The following HIVEP2 variants were observed in gnomAD, a reference collection of about 807,000 sequenced individuals.
HIVEP2 encodes transcription factor HIVEP2.
HIVEP2 carries 14 observed loss-of-function variants against 180.7 expected under a neutral mutation model. The ratio of observed to expected loss-of-function variants is 0.08; its 90% confidence interval spans 0.05 to 0.12. The LOEUF is 0.12. HIVEP2 is among the 10% of genes least tolerant of loss of function. The pLI, the probability that HIVEP2 is intolerant of heterozygous loss-of-function variation, is 1.00. For synonymous variants in HIVEP2, 1,184 were observed against 1,136.4 expected (o/e 1.04, Z -0.84); for missense variants, 2,579 against 3,008.5 (o/e 0.86, Z 3.34).
At chr6:142,857,360 A>C (rs886747290) in intron 1 of HIVEP2, among the ~76,000 whole-genome samples, 3 of 152,218 alleles carry the variant, frequency 2.0e-5, no homozygotes, top group Non-Finnish European at 4.4e-5. Flanking sequence ...TCCCGGAAAT[A>C]ACTGCATATT....
At chr6:142,756,612 G>A (rs964259815) in intron 9 of HIVEP2, among the ~76,000 whole-genome samples, 9 of 151,846 alleles carry the variant, frequency 5.9e-5, no homozygotes, top group African/African-American at 1.5e-4. Context: ...CTGAGGGCCT[G>A]GACACACCTT....
At chr6:142,767,523 T>G (rs2114635680) in intron 6 of HIVEP2, among the ~76,000 whole-genome samples, 1 of 152,348 alleles carries the variant, frequency 6.6e-6, no homozygotes, top group East Asian at 1.9e-4. Context: ...AATAAAGTCA[T>G]GCCCATGAAG....
chr6:142,945,472 C>T (rs1219266435), upstream of HIVEP2, among the ~76,000 whole-genome samples: 2 of 152,108 alleles, frequency 1.3e-5, no homozygotes, highest in Non-Finnish European at 2.9e-5. This position sits in a 1 kb window ranked among gnomAD's most constrained non-coding sequence, Gnocchi z 5.5. Context: ...AGGAAAAACC[C>T]AGCGTCCAGG....
At chr6:142,834,135 C>CA (rs1775164204) in intron 2 of HIVEP2, among the ~76,000 whole-genome samples, 1 of 151,984 alleles carries the variant, frequency 6.6e-6, no homozygotes, top group Non-Finnish European at 1.5e-5. Context: ...AAAAGGTATC[C>CA]AAATAGAATG....
chr6:142,803,168 A>C (rs1192975759), intron 2 of HIVEP2, among the ~76,000 whole-genome samples: 3 of 152,142 alleles, frequency 2.0e-5, no homozygotes, highest in Non-Finnish European at 4.4e-5. Context: ...ATAAGTTTAA[A>C]CTTCATTTGG....
chr6:142,811,180 T>C (rs368817309), intron 2 of HIVEP2, among the ~76,000 whole-genome samples: 1 of 133,196 alleles, frequency 7.5e-6, no homozygotes, highest in Non-Finnish European at 1.7e-5. Context: ...ATGAGGCACG[T>C]GCATGTGTGT....
intron 2 of HIVEP2, among the ~76,000 whole-genome samples, chr6:142,802,716 C>G (rs1776443974): frequency 6.6e-6 from 1 of 152,030 alleles, no homozygotes; most frequent in East Asian, 1.9e-4. Context: ...AAGAATCACT[C>G]CCTAATAAGG....
chr6:142,862,925 T>C (rs1214733708), intron 1 of HIVEP2, among the ~76,000 whole-genome samples: 1 of 137,322 alleles, frequency 7.3e-6, no homozygotes, highest in Non-Finnish European at 1.5e-5. Flanking sequence ...TAAAATGTAA[T>C]ATATTGTACT....
chr6:142,800,272 A>G (rs1776372133), intron 2 of HIVEP2, among the ~76,000 whole-genome samples: 1 of 152,108 alleles, frequency 6.6e-6, no homozygotes, highest in Non-Finnish European at 1.5e-5. Context: ...TCAATTAACA[A>G]CCATGGTATC....
intron 1 of HIVEP2, among the ~76,000 whole-genome samples, chr6:142,934,170 CAACA>C (rs1232751224): frequency 1.3e-5 from 2 of 152,104 alleles, no homozygotes; most frequent in African/African-American, 4.8e-5. Flanking sequence ...AGATTTTTTT[CAACA>C]ATTGAATTAT....
chr6:142,908,032 A>G (rs1777310735), intron 1 of HIVEP2, among the ~76,000 whole-genome samples: 1 of 152,232 alleles, frequency 6.6e-6, no homozygotes, highest in Non-Finnish European at 1.5e-5. Flanking sequence ...AAGGACTTTT[A>G]GCACAACAAC....
At chr6:142,778,983 T>A (rs980323617) in intron 3 of HIVEP2, among the ~76,000 whole-genome samples, 1 of 152,190 alleles carries the variant, frequency 6.6e-6, no homozygotes, top group Non-Finnish European at 1.5e-5. Context: ...AATAAAAAAA[T>A]CCATAATTTA....
At chr6:142,794,365 T>C (rs1163826071) in intron 2 of HIVEP2, among the ~76,000 whole-genome samples, 2 of 152,220 alleles carry the variant, frequency 1.3e-5, no homozygotes, top group Non-Finnish European at 2.9e-5. Flanking sequence ...TCTATTTGTA[T>C]ATTTCAATAG....
intron 2 of HIVEP2, among the ~76,000 whole-genome samples, chr6:142,795,283 C>T (rs1371223265): frequency 6.6e-6 from 1 of 152,120 alleles, no homozygotes; most frequent in Admixed American, 6.6e-5. Flanking sequence ...AGTGACTTCT[C>T]ATTTATTGAT....
At position 142,835,048 on chromosome 6, in the gene HIVEP2, C is replaced by T. The variant is rs182797896; in HGVS notation, c.-528+1887G>A. Among the ~76,000 whole-genome samples, 161 of 152,248 alleles carry T rather than the reference C, an allele frequency of 1.1e-3. 1 individual carries two copies. Among genetic ancestry groups the T allele is most frequent in the African/African-American group, 3.7e-3 (154 of 41,548 alleles). On this transcript the variant is annotated intron_variant, in intron 2 of 9. Transcript: ENST00000367603. ...CATGTTGACAGGCTAAAGAATCAGT[C>T]ACGTGATAGATGAAATATAATTCTG...
In HIVEP2 at chr6:142,768,530, G is replaced by C. The variant is rs1217124743; in HGVS notation, c.5194C>G (p.Pro1732Ala). 4 of 1,612,862 alleles carry C rather than the reference G, an allele frequency of 2.5e-6. No homozygotes were observed. In the South Asian group the frequency reaches 4.4e-5, roughly 18 times the overall value. ...CTGCCAAATAAAAAGGACGCATCAG[G>C]TTTCATCTGTAAGACAAGAAGAGAG... ...SAWKQFTQMK[P>A]DASFLFGSKL... Residue 1732 changes from proline (P) to alanine (A), a missense_variant, in exon 6 of 10, where the codon CCT becomes GCT. By Grantham distance (27) the Pro-to-Ala change is conservative. Coordinates refer to ENST00000367603, the MANE Select transcript of HIVEP2 (RefSeq NM_006734.4).
intron 1 of HIVEP2, among the ~76,000 whole-genome samples, chr6:142,941,815 G>A (rs1778185905): frequency 2.0e-5 from 3 of 152,140 alleles, no homozygotes; most frequent in African/African-American, 7.2e-5. Flanking sequence ...ATAAATCCAT[G>A]AACTGGAAGC....
At chr6:142,910,895 T>C (rs1416950582) in intron 1 of HIVEP2, among the ~76,000 whole-genome samples, 3 of 152,080 alleles carry the variant, frequency 2.0e-5, no homozygotes, top group African/African-American at 7.2e-5. Flanking sequence ...TGAAAGACCA[T>C]CGTGCATGAT....
chr6:142,925,711 A>C (rs554055323), intron 1 of HIVEP2, among the ~76,000 whole-genome samples: 30 of 152,342 alleles, frequency 2.0e-4, no homozygotes, highest in African/African-American at 6.5e-4. Flanking sequence ...AGGCAACACT[A>C]CTGAAAGCAT....
Sources: gnomAD v4.1 joint callset for allele counts (sites outside exome capture counted in the v4.1 genomes callset) on GRCh38, gnomAD v4.1.1 for gene constraint, Gnocchi (gnomAD v3.1) non-coding constraint, MANE v1.5 for transcripts, NCBI Gene and HGNC (gene_info 2026-07-23, HGNC 2026-07-21) for gene names.